Variants in TAF4 observed in about 807,000 individuals in gnomAD.
TAF4 encodes transcription initiation factor TFIID subunit 4.
A neutral mutation model predicts 90.3 loss-of-function variants in TAF4; 9 were observed. The observed-to-expected ratio is 0.10, with a 90% CI of 0.06 to 0.17. The LOEUF (loss-of-function observed/expected upper bound fraction) is 0.17. TAF4 is among the 10% of genes least tolerant of loss of function. The pLI, the probability that TAF4 is intolerant of heterozygous loss-of-function variation, is 1.00. For missense variants in TAF4, 1,351 were observed against 1,370.7 expected, an observed-to-expected ratio of 0.99 and a Z score of 0.23; for synonymous variants, 818 against 638.9, an observed-to-expected ratio of 1.28 and a Z score of -4.23.
At chr20:61,982,093 C>T (rs1383609953) in intron 14 of TAF4, among the ~76,000 whole-genome samples, 34 of 138,916 alleles carry the variant, frequency 2.4e-4, no homozygotes, top group African/African-American at 8.4e-4. Flanking sequence ...GACACCAAAC[C>T]CACACAACAC....
At chr20:62,000,072 A>G in intron 11 of TAF4, 52 bp downstream of exon 11, 1 of 1,613,862 alleles carries the variant, frequency 6.2e-7, no homozygotes, top group East Asian at 2.2e-5. Context: ...CAGCCAGCAG[A>G]GAGTGGGGGC....
Position 62,064,633 on chromosome 20 carries a change from G to T in TAF4, c.1178C>A (p.Ala393Asp). 7.4e-7 allele frequency: 1 copy of T among 1,347,500 alleles called. No individual in the cohort carries two copies. Among genetic ancestry groups the T allele is most frequent in the Non-Finnish European group, 9.5e-7 (1 of 1,056,424 alleles). 83.5% of individuals were successfully genotyped at this position (1,347,500 alleles called of 1,614,324 possible). Residue 393 changes from alanine to aspartate, a missense_variant, in exon 1 of 15, where the codon GCC (alanine) becomes GAC (aspartate). Transcript: ENST00000252996. ...GGGCAGCCCGGTGGGGGTCCCGGGG[G>T]CGGGCGGCGGGACGGCGGCCGGGCT... ...LPSPAAVPPPAPGTPTGLPKG... is the reference protein window; with the variant it reads ...LPSPAAVPPPDPGTPTGLPKG...
chr20:62,056,711 G>A (rs750954862), intron 1 of TAF4, among the ~76,000 whole-genome samples: 1 of 152,138 alleles, frequency 6.6e-6, no homozygotes, highest in East Asian at 1.9e-4. Context: ...GCTGAAGTGA[G>A]ACACCCCGAA....
chr20:62,057,136 T>C (rs1353120094), intron 1 of TAF4, among the ~76,000 whole-genome samples: 1 of 152,122 alleles, frequency 6.6e-6, no homozygotes, highest in Non-Finnish European at 1.5e-5. Context: ...AAAGGCTGTG[T>C]CCCCCGACCC....
intron 1 of TAF4, among the ~76,000 whole-genome samples, chr20:62,054,267 G>A (rs771865524): frequency 6.6e-6 from 1 of 152,194 alleles, no homozygotes; most frequent in Non-Finnish European, 1.5e-5. Flanking sequence ...TCCATTAAGG[G>A]GCCACGGGGT....
chr20:62,032,423 A>AG (rs2055909334), intron 1 of TAF4, among the ~76,000 whole-genome samples: 1 of 152,204 alleles, frequency 6.6e-6, no homozygotes, highest in African/African-American at 2.4e-5. Context: ...AGCTTTATCC[A>AG]CAGAGGCTGG....
chr20:62,052,213 A>C (rs904822097), intron 1 of TAF4, among the ~76,000 whole-genome samples: 8 of 152,076 alleles, frequency 5.3e-5, no homozygotes, highest in Admixed American at 5.2e-4. Context: ...AGCATGTCAA[A>C]GGCTCAACCT....
At chr20:62,004,018 G>T in intron 7 of TAF4, 140 bp from the exon 8 acceptor site, 1 of 1,097,796 alleles carries the variant, frequency 9.1e-7, no homozygotes, top group Non-Finnish European at 1.2e-6. Context: ...CCCGTGTGCA[G>T]CTCAGCCCCA....
At chr20:61,990,591 C>T (rs1197609020) in intron 14 of TAF4, among the ~76,000 whole-genome samples, 1 of 152,186 alleles carries the variant, frequency 6.6e-6, no homozygotes, top group African/African-American at 2.4e-5. Context: ...GCAGCAGGTC[C>T]CTCCAAGAGC....
intron 9 of TAF4, among the ~76,000 whole-genome samples, chr20:62,001,183 T>C (rs557042402): frequency 6.6e-6 from 1 of 152,334 alleles, no homozygotes; most frequent in East Asian, 1.9e-4. Flanking sequence ...TGCACGTGTT[T>C]CCTACAGACA....
chr20:62,065,817 T>C lies in TAF4; in HGVS notation c.-7A>G, dbSNP rs2056128179. 8 of 1,274,546 alleles carry C rather than the reference T, an allele frequency of 6.3e-6. No individual in the cohort carries two copies. Among genetic ancestry groups the C allele is most frequent in the Non-Finnish European group, 8.1e-6 (8 of 988,630 alleles). The allele number at this position is 1,274,546 out of a possible 1,614,324, so 79.0% of individuals were successfully genotyped here. On this transcript the variant is annotated 5_prime_UTR_variant, in exon 1 of 15. Coordinates refer to ENST00000252996, the MANE Select transcript of TAF4 (RefSeq NM_003185.4). ...GATCCGAGCCCGCCGCCATCTTTTT[T>C]CCTCGGCCGCCGCCGCCGCCGCCGC...
At chr20:62,025,455 C>T (rs1300653704) in intron 1 of TAF4, among the ~76,000 whole-genome samples, 2 of 152,220 alleles carry the variant, frequency 1.3e-5, no homozygotes, top group African/African-American at 4.8e-5. Flanking sequence ...CGTGTCCCCA[C>T]CAAACCTCAT....
intron 1 of TAF4, among the ~76,000 whole-genome samples, chr20:62,063,619 G>A (rs995527041): frequency 6.6e-6 from 1 of 152,106 alleles, no homozygotes; most frequent in Non-Finnish European, 1.5e-5. Context: ...AGCCAGTATC[G>A]CCCCGAGACC....
Position 61,995,589 on chromosome 20 carries a change from C to T in TAF4, c.3090+1961G>A, listed in dbSNP as rs538674677. On this transcript the variant is annotated intron_variant, in intron 14 of 14. Transcript: ENST00000252996. The stretch of plus-strand genomic sequence containing the variant: ...AATGGAAAAAAAAATTTGAGCCGGG[C>T]GCGGTGGCTCACGCCTGTAATCCCA... 1.4e-4 allele frequency among the ~76,000 whole-genome samples: 2 copies of T among 14,716 alleles called. 1 individual carries two copies. The highest frequency in any genetic ancestry group is 2.6e-4 in the Non-Finnish European group (2 of 7,778). 9.7% of individuals were successfully genotyped at this position (14,716 alleles called of 152,430 possible).
intron 1 of TAF4, among the ~76,000 whole-genome samples, chr20:62,019,934 G>A (rs1035258633): frequency 2.0e-5 from 3 of 152,154 alleles, no homozygotes; most frequent in African/African-American, 7.2e-5. Context: ...AGGCCGCCCC[G>A]CACTCTCAGC....
chr20:62,019,543 C>T (rs952188562), intron 1 of TAF4, among the ~76,000 whole-genome samples: 7 of 152,248 alleles, frequency 4.6e-5, no homozygotes, highest in African/African-American at 1.7e-4. Flanking sequence ...GGCCACACTG[C>T]TTGAGGCGGG....
rs1168791758 is a variant in TAF4 at position 62,064,776 on chromosome 20, C to T, written c.1035G>A (p.Glu345=). The change falls in exon 1 of 15, where the codon GAG becomes GAA. Residue 345 remains glutamate (E), a synonymous_variant. Coordinates refer to ENST00000252996, the MANE Select transcript of TAF4 (RefSeq NM_003185.4). The part of the protein sequence containing the change: ...AAAPAPGVKA[E]SPKRVVQAAP... The stretch of plus-strand genomic sequence containing the variant: ...CCGCCTGCACCACCCTCTTGGGCGA[C>T]TCGGCCTTGACCCCCGGCGCCGGCG... 9.9e-6 allele frequency: 11 copies of T among 1,114,304 alleles called. No homozygotes were observed. The highest frequency in any genetic ancestry group is 9.8e-6 in the Non-Finnish European group (9 of 915,250). 69.0% of individuals were successfully genotyped at this position (1,114,304 alleles called of 1,614,324 possible).
chr20:62,042,170 C>T (rs1166674640), intron 1 of TAF4, among the ~76,000 whole-genome samples: 3 of 152,102 alleles, frequency 2.0e-5, no homozygotes, highest in Admixed American at 6.5e-5. Context: ...GCTCCACTGA[C>T]GAGAGCAAAG....
intron 1 of TAF4, among the ~76,000 whole-genome samples, chr20:62,032,184 G>T (rs939377740): frequency 6.6e-6 from 1 of 152,176 alleles, no homozygotes; most frequent in African/African-American, 2.4e-5. Flanking sequence ...CCAGGCCAGC[G>T]GTGGGGGCAG....
Sources: allele counts gnomAD v4.1 joint callset (sites outside exome capture counted in the v4.1 genomes callset), GRCh38; gene constraint gnomAD v4.1.1; transcripts MANE v1.5; gene names NCBI Gene and HGNC (gene_info 2026-07-23, HGNC 2026-07-21).